The following AKAP13 variants were observed in gnomAD, a reference collection of about 807,000 sequenced individuals.
AKAP13 encodes the protein A-kinase anchoring protein 13.
Under a neutral mutation model 264.5 loss-of-function variants are expected in AKAP13, and 80 were observed. The ratio of observed to expected loss-of-function variants is 0.30; its 90% CI spans 0.25 to 0.36. The LOEUF (loss-of-function observed/expected upper bound fraction) is 0.36. AKAP13 is among the 10% of genes least tolerant of loss of function. The probability of loss-of-function intolerance (pLI) is 1.00; values close to 1 mark genes in which losing one functional copy is unlikely to be tolerated. For synonymous variants in AKAP13, 1,380 were observed against 1,250.2 expected, an observed-to-expected ratio of 1.10 and a Z score of -2.19; for missense variants, 3,712 against 3,435.2, an observed-to-expected ratio of 1.08 and a Z score of -2.01.
intron 3 of AKAP13, among the ~76,000 whole-genome samples, chr15:85,524,677 A>C (rs2076956157): frequency 6.6e-6 from 1 of 152,040 alleles, no homozygotes; most frequent in Non-Finnish European, 1.5e-5. Context: ...TATTTCCCTA[A>C]ATAGAGTTGA....
intron 1 of AKAP13, among the ~76,000 whole-genome samples, chr15:85,418,597 A>G (rs1412550752): frequency 6.6e-6 from 1 of 152,240 alleles, no homozygotes; most frequent in Non-Finnish European, 1.5e-5. Flanking sequence ...TTGTTGAATT[A>G]TTTAAGCTTG....
rs1009227071 is a variant in AKAP13 at position 85,743,784 on chromosome 15, A to AG, written c.8352dup (p.Lys2785GlufsTer14). 1 of 1,612,438 alleles carries AG rather than the reference A, an allele frequency of 6.2e-7. No homozygotes were observed. Among genetic ancestry groups the AG allele is most frequent in the Non-Finnish European group, 8.5e-7 (1 of 1,179,414 alleles). ...TTAACAAAGCCAAAGGAAAAGAAGG[A>AG]GAAAAAAAAGAAGAACAAAACCAGC... On this transcript the variant is annotated frameshift_variant, in exon 36 of 37. Transcript: ENST00000394518. LOFTEE classifies it high-confidence loss of function.
At chr15:85,593,012 T>C (rs1330910694) in intron 8 of AKAP13, among the ~76,000 whole-genome samples, 6 of 152,160 alleles carry the variant, frequency 3.9e-5, no homozygotes, top group East Asian at 3.9e-4. Flanking sequence ...TTTTGACCAG[T>C]GTGTGATTAT....
At position 85,552,713 on chromosome 15, in the gene AKAP13, C is replaced by T. The variant is rs144562464; in HGVS notation, c.662+8758C>T. On this transcript the variant is annotated intron_variant, in intron 5 of 36. Transcript: ENST00000394518. The stretch of plus-strand genomic sequence containing the variant: ...TGCGATCTCAGCTCACTGCAACCTC[C>T]GCCTCCCGGGTTCAAGTGATTCTTT... 6.4e-3 allele frequency among the ~76,000 whole-genome samples: 965 copies of T among 150,792 alleles called. 11 individuals are homozygous for T. The highest frequency in any genetic ancestry group is 0.022 in the African/African-American group (891 of 40,976).
At chr15:85,453,724 G>A (rs917781059) in intron 1 of AKAP13, among the ~76,000 whole-genome samples, 1 of 152,076 alleles carries the variant, frequency 6.6e-6, no homozygotes, top group Non-Finnish European at 1.5e-5. Flanking sequence ...GAACAGCTGA[G>A]TCACCCAAAC....
intron 32 of AKAP13, among the ~76,000 whole-genome samples, 154 bp downstream of exon 32, chr15:85,735,784 A>G (rs571935548): frequency 1.3e-5 from 2 of 152,230 alleles, no homozygotes; most frequent in African/African-American, 4.8e-5. Context: ...TAAAACAAAT[A>G]GTACAGTTAA....
intron 5 of AKAP13, among the ~76,000 whole-genome samples, chr15:85,551,849 A>C (rs574287634): frequency 2.0e-5 from 3 of 152,220 alleles, no homozygotes; most frequent in Non-Finnish European, 2.9e-5. Flanking sequence ...AGTTGATAGC[A>C]CCTTCTGCTC....
At chr15:85,612,778 T>A (rs1055055683) in intron 8 of AKAP13, among the ~76,000 whole-genome samples, 1 of 149,614 alleles carries the variant, frequency 6.7e-6, no homozygotes, top group African/African-American at 2.5e-5. Context: ...GAGCCAAGAT[T>A]GTACCACTGC....
chr15:85,568,335 A>T (rs1487663886), intron 5 of AKAP13, among the ~76,000 whole-genome samples: 1 of 152,088 alleles, frequency 6.6e-6, no homozygotes, highest in Non-Finnish European at 1.5e-5. Flanking sequence ...AGAGTAATAT[A>T]ATAAGGAGGA....
At chr15:85,454,645 GT>G in intron 1 of AKAP13, among the ~76,000 whole-genome samples, 1 of 151,964 alleles carries the variant, frequency 6.6e-6, no homozygotes, top group South Asian at 2.1e-4. Context: ...CGTTTAAACT[GT>G]TTAAAAAAAA....
At chr15:85,530,311 G>C (rs1024707552) in intron 3 of AKAP13, among the ~76,000 whole-genome samples, 1 of 152,124 alleles carries the variant, frequency 6.6e-6, no homozygotes, top group African/African-American at 2.4e-5. Flanking sequence ...TCACAGTTTT[G>C]GGTAAGGTAG....
intron 8 of AKAP13, among the ~76,000 whole-genome samples, chr15:85,599,222 C>CT (rs1309140456): frequency 1.3e-5 from 2 of 152,216 alleles, no homozygotes; most frequent in African/African-American, 4.8e-5. Context: ...TGACATGGAA[C>CT]TTTCCTGCAG....
intron 14 of AKAP13, among the ~76,000 whole-genome samples, chr15:85,674,520 C>T (rs566361983): frequency 1.2e-3 from 188 of 152,276 alleles, no homozygotes; most frequent in Non-Finnish European, 2.2e-3. Context: ...GGCACTTTCC[C>T]TTGGGGTTGT....
chr15:85,381,521 C>CTTTTTTTTTTT (rs1168869870), intron 1 of AKAP13, among the ~76,000 whole-genome samples: 8 of 64,290 alleles, frequency 1.2e-4, no homozygotes, highest in Non-Finnish European at 2.1e-4. Context: ...CGGTTTACTG[C>CTTTTTTTTTTT]TTTTTTTTTT....
chr15:85,568,829 T>C (rs1207091022), intron 5 of AKAP13, among the ~76,000 whole-genome samples: 1 of 152,214 alleles, frequency 6.6e-6, no homozygotes, highest in East Asian at 1.9e-4. Flanking sequence ...AACAGAGCTT[T>C]TGAGCAAAAG....
At chr15:85,561,390 G>T (rs1210102012) in intron 5 of AKAP13, among the ~76,000 whole-genome samples, 1 of 152,144 alleles carries the variant, frequency 6.6e-6, no homozygotes, top group Admixed American at 6.5e-5. Flanking sequence ...AGCTCTCCAG[G>T]CAATTTCAAA....
intron 2 of AKAP13, among the ~76,000 whole-genome samples, chr15:85,493,003 G>T (rs959817855): frequency 6.6e-6 from 1 of 152,128 alleles, no homozygotes; most frequent in Non-Finnish European, 1.5e-5. Context: ...GTTGTTTCTG[G>T]TTTGGAGGTA....
chr15:85,561,263 G>A (rs2078366633), intron 5 of AKAP13, among the ~76,000 whole-genome samples: 8 of 152,016 alleles, frequency 5.3e-5, no homozygotes, highest in Admixed American at 5.2e-4. Context: ...TCACCGCATT[G>A]GCCAGGCTGG....
At chr15:85,658,655 C>A in intron 12 of AKAP13, 65 bp downstream of exon 12, 1 of 1,419,480 alleles carries the variant, frequency 7.0e-7, no homozygotes, top group Non-Finnish European at 9.8e-7. Context: ...ACAAGCATCT[C>A]ATTCTGCTTA....
Sources: allele counts gnomAD v4.1 joint callset (sites outside exome capture counted in the v4.1 genomes callset), GRCh38; gene constraint gnomAD v4.1.1; transcripts MANE v1.5; gene names NCBI Gene and HGNC (gene_info 2026-07-23, HGNC 2026-07-21).